CHN2: variants seen among roughly 807,000 people sequenced by gnomAD.
The protein encoded by CHN2 is chimerin 2.
CHN2 carries 35 observed loss-of-function variants against 56.3 expected under a neutral mutation model. The observed-to-expected ratio is 0.62, with a 90% CI of 0.47 to 0.82. The LOEUF is 0.82. Among genes scored for constraint, CHN2 ranks in the 40% least tolerant of loss-of-function variants. The pLI is 0.00. For missense variants in CHN2, 491 were observed against 580.5 expected (o/e 0.85, Z 1.58); for synonymous variants, 210 against 212.8 (o/e 0.99, Z 0.12).
chr7:29,283,351 C>T (rs145920303), intron 1 of CHN2, among the ~76,000 whole-genome samples: 4 of 152,174 alleles, frequency 2.6e-5, no homozygotes, highest in Non-Finnish European at 5.9e-5. Flanking sequence ...AGGTTTGATT[C>T]GCAGAATTCT....
intron 2 of CHN2, among the ~76,000 whole-genome samples, chr7:29,160,839 G>C (rs1795074626): frequency 6.6e-6 from 1 of 152,154 alleles, no homozygotes; most frequent in African/African-American, 2.4e-5. Context: ...ACATTCAAAT[G>C]ATAATATCTA....
intron 2 of CHN2, among the ~76,000 whole-genome samples, chr7:29,168,764 T>A (rs1796235335): frequency 6.6e-6 from 1 of 152,250 alleles, no homozygotes; most frequent in African/African-American, 2.4e-5. Context: ...TATATTATGC[T>A]AAAAGCACTA....
At chr7:29,336,745 G>C (rs964466499) in intron 1 of CHN2, among the ~76,000 whole-genome samples, 6 of 105,636 alleles carry the variant, frequency 5.7e-5, no homozygotes, top group African/African-American at 1.6e-4. Flanking sequence ...GAGTAACAGA[G>C]CAAGATTCTG....
intron 1 of CHN2, among the ~76,000 whole-genome samples, chr7:29,303,437 T>C (rs1400770657): frequency 1.3e-5 from 2 of 152,160 alleles, no homozygotes; most frequent in East Asian, 3.9e-4. Context: ...GACACCTCCC[T>C]GTCCTCCCCG....
At chr7:29,228,423 G>T (rs1294023138) in intron 1 of CHN2, among the ~76,000 whole-genome samples, 3 of 152,256 alleles carry the variant, frequency 2.0e-5, no homozygotes, top group African/African-American at 7.2e-5. Context: ...GGAGCAATAG[G>T]CTCCAGCATA....
chr7:29,378,914 G>A (rs1190497183), intron 3 of CHN2, among the ~76,000 whole-genome samples: 4 of 152,176 alleles, frequency 2.6e-5, no homozygotes, highest in Non-Finnish European at 4.4e-5. Flanking sequence ...GCAGTGAGCC[G>A]AGATCGCACC....
chr7:29,228,720 A>C (rs769421732), intron 1 of CHN2, among the ~76,000 whole-genome samples: 67 of 152,370 alleles, frequency 4.4e-4, no homozygotes, highest in Non-Finnish European at 5.0e-4. Context: ...AAATAAATAC[A>C]TCAAGGGCAG....
At chr7:29,173,198 C>T (rs1369706627) in intron 2 of CHN2, among the ~76,000 whole-genome samples, 1 of 151,288 alleles carries the variant, frequency 6.6e-6, no homozygotes, top group East Asian at 1.9e-4. Flanking sequence ...CACACCTAAG[C>T]TTATAGGAAA....
At position 29,472,272 on chromosome 7, in the gene CHN2, T is replaced by TACACAC. The variant is rs113034467; in HGVS notation, c.577-7986_577-7981dup. Among the ~76,000 whole-genome samples, 886 of 112,294 alleles carry TACACAC rather than the reference T, an allele frequency of 7.9e-3. 15 individuals carry two copies. The highest frequency in any genetic ancestry group is 0.04 in the East Asian group (173 of 4,346). The allele number at this position is 112,294 out of a possible 152,430, so 73.7% of individuals were successfully genotyped here. A position where few individuals can be genotyped will look rare whatever the true frequency, so the allele number is the denominator to read the frequency against. On this transcript the variant is annotated intron_variant, in intron 6 of 12. Transcript: ENST00000222792. ...CCCATAGAAGCTTTTCAAAACAAAA[T>TACACAC]ACACACACACACACACACACACACA...
At chr7:29,271,952 A>G (rs1790680752) in intron 1 of CHN2, among the ~76,000 whole-genome samples, 1 of 152,130 alleles carries the variant, frequency 6.6e-6, no homozygotes, top group South Asian at 2.1e-4. Flanking sequence ...TGAAATCCAC[A>G]CAGTAGTTCT....
chr7:29,278,652 G>T (rs1290440285), intron 1 of CHN2, among the ~76,000 whole-genome samples: 3 of 152,182 alleles, frequency 2.0e-5, no homozygotes, highest in Admixed American at 1.3e-4. Flanking sequence ...CGACCTTGCT[G>T]CAGGCTCCAC....
intron 2 of CHN2, among the ~76,000 whole-genome samples, chr7:29,366,818 A>G (rs1172134551): frequency 6.6e-6 from 1 of 152,236 alleles, no homozygotes; most frequent in Non-Finnish European, 1.5e-5. Flanking sequence ...AGGTAAGAAA[A>G]TAACCACATT....
chr7:29,316,447 T>A (rs931972970), intron 1 of CHN2, among the ~76,000 whole-genome samples: 1 of 152,230 alleles, frequency 6.6e-6, no homozygotes, highest in East Asian at 1.9e-4. Context: ...TAGTGCATTT[T>A]ACTATAATTC....
intron 1 of CHN2, among the ~76,000 whole-genome samples, chr7:29,255,278 C>T (rs982035579): frequency 2.0e-5 from 3 of 152,194 alleles, no homozygotes; most frequent in East Asian, 1.9e-4. Context: ...CAGGGAAGGC[C>T]ATCGAGCTCA....
intron 6 of CHN2, among the ~76,000 whole-genome samples, chr7:29,443,908 A>G (rs1322093822): frequency 6.6e-6 from 1 of 152,192 alleles, no homozygotes; most frequent in East Asian, 1.9e-4. Flanking sequence ...ACTTGTTAGA[A>G]CAAGAATTCA....
intron 6 of CHN2, among the ~76,000 whole-genome samples, chr7:29,412,996 A>G (rs947743439): frequency 4.6e-5 from 7 of 152,160 alleles, no homozygotes; most frequent in African/African-American, 1.7e-4. Context: ...TCAGGGCTAC[A>G]TTGGTTTGTT....
intron 1 of CHN2, among the ~76,000 whole-genome samples, chr7:29,344,523 G>C (rs1585113696): frequency 6.6e-6 from 1 of 152,192 alleles, no homozygotes; most frequent in Middle Eastern, 3.4e-3. Context: ...CTGGCTCTCA[G>C]TGCCATGTCC....
chr7:29,252,065 C>T (rs1788562251), intron 1 of CHN2, among the ~76,000 whole-genome samples: 1 of 152,108 alleles, frequency 6.6e-6, no homozygotes, highest in Admixed American at 6.5e-5. Context: ...AAAATTTTGC[C>T]ACTGTGGCAA....
At chr7:29,439,566 C>T (rs548129258) in intron 6 of CHN2, among the ~76,000 whole-genome samples, 1 of 152,280 alleles carries the variant, frequency 6.6e-6, no homozygotes, top group South Asian at 2.1e-4. Context: ...CACTCAGGCC[C>T]TCTTCATCCA....
Sources: allele counts gnomAD v4.1 joint callset (sites outside exome capture counted in the v4.1 genomes callset), GRCh38; gene constraint gnomAD v4.1.1; transcripts MANE v1.5; gene names NCBI Gene and HGNC (gene_info 2026-07-23, HGNC 2026-07-21).